Variants in PPP1R12B observed in about 807,000 individuals in gnomAD.
PPP1R12B encodes myosin phosphatase target subunit 2.
PPP1R12B carries 76 observed loss-of-function variants against 126.1 expected under a neutral mutation model. That is an observed-to-expected ratio of 0.60 (90% confidence interval 0.50 to 0.73). The LOEUF is 0.73. Among genes scored for constraint, PPP1R12B ranks in the 30% least tolerant of loss-of-function variants. The pLI is 0.00. For missense variants in PPP1R12B, 1,052 were observed against 1,205.1 expected, an observed-to-expected ratio of 0.87 and a Z score of 1.88; for synonymous variants, 356 against 434.7, an observed-to-expected ratio of 0.82 and a Z score of 2.25.
intron 18 of PPP1R12B, among the ~76,000 whole-genome samples, chr1:202,554,729 C>T (rs1458540059): frequency 4.0e-5 from 6 of 151,510 alleles, no homozygotes; most frequent in Admixed American, 4.0e-4. Flanking sequence ...TAAAAGGCTA[C>T]CCAAAAAGAA....
At chr1:202,351,361 C>A (rs1050041376) in intron 1 of PPP1R12B, among the ~76,000 whole-genome samples, 8 of 152,034 alleles carry the variant, frequency 5.3e-5, no homozygotes, top group Non-Finnish European at 1.0e-4. Context: ...GCATCAGCCT[C>A]CCAAGTAGCT....
intron 1 of PPP1R12B, among the ~76,000 whole-genome samples, chr1:202,380,502 T>C: frequency 6.6e-6 from 1 of 152,164 alleles, no homozygotes; most frequent in East Asian, 1.9e-4. Context: ...AACTTTGGGT[T>C]ATTGTATTTG....
intron 12 of PPP1R12B, among the ~76,000 whole-genome samples, chr1:202,447,233 CT>C (rs1413751411): frequency 1.3e-5 from 2 of 152,182 alleles, no homozygotes; most frequent in Non-Finnish European, 1.5e-5. Flanking sequence ...AATGAGCCCC[CT>C]ATTATATGAA....
chr1:202,463,801 C>G (rs1207716225), intron 13 of PPP1R12B, among the ~76,000 whole-genome samples: 1 of 152,074 alleles, frequency 6.6e-6, no homozygotes, highest in South Asian at 2.1e-4. Flanking sequence ...TCCTGCTGAT[C>G]GTTAGTCATT....
At chr1:202,434,611 G>A (rs767819864) in intron 8 of PPP1R12B, 45 bp from the exon 9 acceptor site, 2 of 1,577,420 alleles carry the variant, frequency 1.3e-6, no homozygotes, top group Admixed American at 4.1e-5. Flanking sequence ...ACAAAGATAA[G>A]ATTTTTATAC....
At chr1:202,449,489 G>C (rs1672667583) in intron 13 of PPP1R12B, among the ~76,000 whole-genome samples, 1 of 151,716 alleles carries the variant, frequency 6.6e-6, no homozygotes, top group Non-Finnish European at 1.5e-5. Flanking sequence ...TGTTAGCCAG[G>C]ATGGTCTCGA....
chr1:202,452,409 G>T lies in PPP1R12B; in HGVS notation c.1850+3238G>T, dbSNP rs530483601. Among the ~76,000 whole-genome samples the T allele has an allele frequency of 2.1e-3, 322 of 152,368 alleles. 2 individuals carry two copies. The highest frequency in any genetic ancestry group is 7.0e-3 in the African/African-American group (289 of 41,582). On this transcript the variant is annotated intron_variant, in intron 13 of 23. Transcript: ENST00000608999. ...CCAAAAAAATACGAAAACCAGTCAG[G>T]CGTGGCGGCGTGCGCCTGCAATCAC...
At chr1:202,390,595 C>T (rs548703254) in intron 1 of PPP1R12B, among the ~76,000 whole-genome samples, 54 of 152,004 alleles carry the variant, frequency 3.6e-4, no homozygotes, top group African/African-American at 1.3e-3. Flanking sequence ...AACTCCTGGG[C>T]TCTAGTGATC....
At chr1:202,562,632 GA>G in intron 19 of PPP1R12B, 145 bp from the exon 20 acceptor site, 1 of 948,456 alleles carries the variant, frequency 1.1e-6, no homozygotes, top group Non-Finnish European at 1.7e-6. Flanking sequence ...CTGGCAGAGA[GA>G]TTGAAGGAAA....
intron 13 of PPP1R12B, among the ~76,000 whole-genome samples, chr1:202,457,653 G>T (rs1673810421): frequency 6.6e-6 from 1 of 152,000 alleles, no homozygotes; most frequent in Non-Finnish European, 1.5e-5. Flanking sequence ...TTGTATAATT[G>T]TTAAGTGCTG....
intron 18 of PPP1R12B, among the ~76,000 whole-genome samples, chr1:202,522,843 A>G (rs891445324): frequency 1.3e-5 from 2 of 152,218 alleles, no homozygotes; most frequent in Admixed American, 6.5e-5. Context: ...TAAATAAGGA[A>G]CAATCCATGA....
chr1:202,565,340 G>C lies in PPP1R12B; in HGVS notation c.2757+793G>C, dbSNP rs942580206. On this transcript the variant is annotated intron_variant, in intron 21 of 23. Transcript: ENST00000608999. This position sits in a 1 kb window ranked among gnomAD's most constrained non-coding sequence, Gnocchi z 4.3. ...CTGGGGACTTAGAATTTCGAAAGCT[G>C]AACTGAAGTAAAAATGATTCTTTAG... Among the ~76,000 whole-genome samples the C allele has an allele frequency of 1.3e-5, 2 of 152,182 alleles. No individual in the cohort carries two copies. Among genetic ancestry groups the C allele is most frequent in the Admixed American group, 1.3e-4 (2 of 15,278 alleles).
At chr1:202,570,860 C>G (rs948571624) in intron 23 of PPP1R12B, among the ~76,000 whole-genome samples, 2 of 152,200 alleles carry the variant, frequency 1.3e-5, no homozygotes, top group Non-Finnish European at 2.9e-5. Flanking sequence ...ATCCACAGCT[C>G]CTTGTTGCAT....
chr1:202,438,769 C>A (rs540597741), intron 10 of PPP1R12B: 128 of 733,576 alleles, frequency 1.7e-4, no homozygotes, highest in African/African-American at 1.7e-3. Flanking sequence ...CTGGTGTTCA[C>A]CTTGAACAAC....
chr1:202,497,804 CTG>C (rs1293753907), intron 18 of PPP1R12B, among the ~76,000 whole-genome samples: 1 of 152,068 alleles, frequency 6.6e-6, no homozygotes, highest in Non-Finnish European at 1.5e-5. Context: ...GAGTGTGTGC[CTG>C]TGTGTATGTG....
chr1:202,456,505 G>A (rs1673656966), intron 13 of PPP1R12B, among the ~76,000 whole-genome samples: 1 of 152,136 alleles, frequency 6.6e-6, no homozygotes, highest in African/African-American at 2.4e-5. Context: ...CCTATATGTA[G>A]ACCATAAGGT....
At chr1:202,398,341 T>TAACTTAGAA in intron 1 of PPP1R12B, among the ~76,000 whole-genome samples, 2 of 152,366 alleles carry the variant, frequency 1.3e-5, no homozygotes. Flanking sequence ...TATGTGACAT[T>TAACTTAGAA]AACTTAGAAA....
chr1:202,509,859 G>A (rs1436961032), intron 18 of PPP1R12B, among the ~76,000 whole-genome samples: 4 of 152,146 alleles, frequency 2.6e-5, no homozygotes, highest in African/African-American at 9.7e-5. Context: ...GGATGTGGGG[G>A]AAGAGAAGCT....
intron 8 of PPP1R12B, among the ~76,000 whole-genome samples, chr1:202,432,798 A>G (rs189892517): frequency 2.0e-5 from 3 of 152,344 alleles, no homozygotes; most frequent in Non-Finnish European, 2.9e-5. Flanking sequence ...GGAAAGGGTC[A>G]CACATTAAGT....
Sources: gnomAD v4.1 joint callset for allele counts (sites outside exome capture counted in the v4.1 genomes callset) on GRCh38, gnomAD v4.1.1 for gene constraint, Gnocchi (gnomAD v3.1) non-coding constraint, MANE v1.5 for transcripts, NCBI Gene and HGNC (gene_info 2026-07-23, HGNC 2026-07-21) for gene names.